Variants in GNG7 observed in about 807,000 individuals in gnomAD.
GNG7 encodes G protein subunit gamma 7, also known as guanine nucleotide-binding protein G(I)/G(S)/G(O) subunit gamma-7.
In GNG7, 1 loss-of-function variant was observed where a neutral mutation model predicts 4.0. The observed-to-expected ratio is 0.25, with a 90% CI of 0.09 to 1.18. GNG7 has a LOEUF of 1.18. GNG7 is among the 50% of genes most tolerant of loss of function. The pLI is 0.50. For synonymous variants in GNG7, 34 were observed against 36.9 expected (o/e 0.92, Z 0.29); for missense variants, 86 against 91.9 (o/e 0.94, Z 0.26).
intron 3 of GNG7, among the ~76,000 whole-genome samples, chr19:2,544,504 C>T (rs1486424377): frequency 6.6e-6 from 1 of 152,138 alleles, no homozygotes; most frequent in Non-Finnish European, 1.5e-5. Flanking sequence ...CCTGCCTCAG[C>T]CTCCTGAGTA....
chr19:2,569,679 C>T (rs1042125144), intron 2 of GNG7, among the ~76,000 whole-genome samples: 2 of 152,190 alleles, frequency 1.3e-5, no homozygotes, highest in Non-Finnish European at 2.9e-5. Flanking sequence ...CCAGACCGTT[C>T]TCTGGGGTGG....
At chr19:2,656,781 G>C (rs972294845) in intron 1 of GNG7, among the ~76,000 whole-genome samples, 8 of 152,196 alleles carry the variant, frequency 5.3e-5, no homozygotes, top group Non-Finnish European at 8.8e-5. Flanking sequence ...CCTCGACAGA[G>C]AGCACATGGC....
At chr19:2,654,948 A>C (rs1982927722) in intron 1 of GNG7, among the ~76,000 whole-genome samples, 1 of 131,002 alleles carries the variant, frequency 7.6e-6, no homozygotes, top group African/African-American at 2.8e-5. Context: ...GTCCCCTGGG[A>C]GGCAGAGGCA....
intron 2 of GNG7, among the ~76,000 whole-genome samples, chr19:2,585,989 C>T (rs771142209): frequency 6.6e-6 from 1 of 152,196 alleles, no homozygotes; most frequent in African/African-American, 2.4e-5. Context: ...CGTGAACCGC[C>T]GTGCCCCGGC....
intron 1 of GNG7, among the ~76,000 whole-genome samples, chr19:2,691,089 G>C (rs969784769): frequency 1.3e-5 from 2 of 152,124 alleles, no homozygotes; most frequent in Non-Finnish European, 2.9e-5. Flanking sequence ...CTGGTAATGG[G>C]GGAGGCTGTG....
intron 2 of GNG7, among the ~76,000 whole-genome samples, chr19:2,598,792 T>C (rs1385828434): frequency 6.6e-6 from 1 of 151,560 alleles, no homozygotes; most frequent in Non-Finnish European, 1.5e-5. Flanking sequence ...GCCACCGTTA[T>C]TCTTTCTAAG....
chr19:2,520,187 A>G (rs2041180), intron 4 of GNG7, among the ~76,000 whole-genome samples: 2,710 of 150,394 alleles, frequency 0.018, 67 homozygotes, highest in African/African-American at 0.064. Flanking sequence ...TCTCAAACAA[A>G]CAAAACAAAC....
In GNG7 at chr19:2,657,353, AAAAAAAAAATATATATATAT is replaced by A. The variant is rs1185317074; in HGVS notation, c.-134-11093_-134-11074del. Among the ~76,000 whole-genome samples the A allele has an allele frequency of 2.8e-3, 58 of 20,778 alleles. 4 individuals are homozygous for A. The highest frequency in any genetic ancestry group is 6.0e-3 in the African/African-American group (53 of 8,820). The allele number at this position is 20,778 out of a possible 152,430, so 13.6% of individuals were successfully genotyped here. A position where few individuals can be genotyped will look rare whatever the true frequency, so the allele number is the denominator to read the frequency against. On this transcript the variant is annotated intron_variant, in intron 1 of 4. Coordinates refer to ENST00000382159, the MANE Select transcript of GNG7 (RefSeq NM_052847.3). The stretch of plus-strand genomic sequence containing the variant: ...CGTCTCAATTAAAAAAAAAAAAAAA[AAAAAAAAAATATATATATAT>A]ATATATATATATATATATATATATA...
chr19:2,596,829 G>A (rs1161570372), intron 2 of GNG7, among the ~76,000 whole-genome samples: 1 of 152,182 alleles, frequency 6.6e-6, no homozygotes. Flanking sequence ...TGCAGTACGA[G>A]ACTTCTTTAC....
intron 2 of GNG7, among the ~76,000 whole-genome samples, chr19:2,605,422 C>T (rs1390335770): frequency 2.0e-5 from 3 of 150,720 alleles, no homozygotes; most frequent in Non-Finnish European, 1.5e-5. Context: ...AGGTCTCAAA[C>T]TTGTGGCCTC....
Position 2,609,573 on chromosome 19 carries a change from T to C in GNG7, c.-78+36651A>G, listed in dbSNP as rs1025661238. Among the ~76,000 whole-genome samples, 2 of 152,094 alleles carry C rather than the reference T, an allele frequency of 1.3e-5. No individual in the cohort carries two copies. Among genetic ancestry groups the C allele is most frequent in the Admixed American group, 6.6e-5 (1 of 15,260 alleles). On this transcript the variant is annotated intron_variant, in intron 2 of 4. Coordinates refer to ENST00000382159, the MANE Select transcript of GNG7 (RefSeq NM_052847.3). This position sits in a 1 kb window ranked among gnomAD's most constrained non-coding sequence, Gnocchi z 4.4. ...CCGTTGTGCAGGACAGCTGGGTGGA[T>C]TGCAGTGATGTTTGCGCACCACGTC...
chr19:2,679,490 C>A (rs1307608596), intron 1 of GNG7, among the ~76,000 whole-genome samples: 1 of 152,148 alleles, frequency 6.6e-6, no homozygotes, highest in African/African-American at 2.4e-5. Context: ...GGGAGTGATT[C>A]CTATCCTGTC....
At chr19:2,576,893 AG>A (rs1980358538) in intron 2 of GNG7, among the ~76,000 whole-genome samples, 1 of 152,150 alleles carries the variant, frequency 6.6e-6, no homozygotes, top group Non-Finnish European at 1.5e-5. Flanking sequence ...TATGTGGCCC[AG>A]GCTGGTCTCA....
intron 2 of GNG7, among the ~76,000 whole-genome samples, chr19:2,635,810 T>G (rs1187910327): frequency 1.3e-5 from 2 of 152,140 alleles, no homozygotes; most frequent in Non-Finnish European, 2.9e-5. Flanking sequence ...CTCGAACTCC[T>G]GACCTCAAGT....
At chr19:2,615,138 T>A (rs1008477660) in intron 2 of GNG7, among the ~76,000 whole-genome samples, 1 of 151,520 alleles carries the variant, frequency 6.6e-6, no homozygotes, top group Non-Finnish European at 1.5e-5. Flanking sequence ...GGCCACTGTC[T>A]GGTCTGAAGG....
chr19:2,553,698 C>T (rs1313607623), intron 3 of GNG7, among the ~76,000 whole-genome samples: 1 of 140,704 alleles, frequency 7.1e-6, no homozygotes, highest in Non-Finnish European at 1.5e-5. Flanking sequence ...CACACATGTG[C>T]ACATTACATA....
At chr19:2,635,991 C>T (rs558226915) in intron 2 of GNG7, among the ~76,000 whole-genome samples, 16 of 152,272 alleles carry the variant, frequency 1.1e-4, no homozygotes, top group South Asian at 1.0e-3. Flanking sequence ...AGGCCCGGGA[C>T]GCTGCTCAGC....
chr19:2,607,562 T>TAAAAAAAAAAAAA (rs57077280), intron 2 of GNG7, among the ~76,000 whole-genome samples: 1 of 110,576 alleles, frequency 9.0e-6, no homozygotes. Context: ...ACTAAAATGG[T>TAAAAAAAAAAAAA]AAAAAAAAAA....
chr19:2,552,860 A>T (rs954060999), intron 3 of GNG7, among the ~76,000 whole-genome samples: 1 of 106,942 alleles, frequency 9.4e-6, no homozygotes, highest in African/African-American at 3.7e-5. Context: ...CACCCCCCCC[A>T]CCTCCCCACT....
Sources: allele counts gnomAD v4.1 joint callset (sites outside exome capture counted in the v4.1 genomes callset), GRCh38; gene constraint gnomAD v4.1.1; non-coding constraint Gnocchi (gnomAD v3.1); transcripts MANE v1.5; gene names NCBI Gene and HGNC (gene_info 2026-07-23, HGNC 2026-07-21).